The following NLGN1 variants were observed in gnomAD, a reference collection of about 807,000 sequenced individuals.
The protein encoded by NLGN1 is neuroligin 1, also known as neuroligin-1.
In NLGN1, 12 loss-of-function variants were observed where a neutral mutation model predicts 65.5. The observed-to-expected ratio is 0.18, with a 90% CI of 0.12 to 0.30. The LOEUF (loss-of-function observed/expected upper bound fraction) is 0.30. Ranked by LOEUF, NLGN1 falls within the 10% of genes least tolerant of loss-of-function variation. NLGN1 has a pLI of 1.00. For synonymous variants in NLGN1, 350 were observed against 359.5 expected (o/e 0.97, Z 0.30); for missense variants, 750 against 1,007.1 (o/e 0.74, Z 3.46).
At chr3:174,007,404 T>C (rs1448885214) in intron 4 of NLGN1, among the ~76,000 whole-genome samples, 1 of 152,224 alleles carries the variant, frequency 6.6e-6, no homozygotes, top group Non-Finnish European at 1.5e-5. Context: ...GTGCTTTCAA[T>C]CACACCTTTT....
intron 3 of NLGN1, among the ~76,000 whole-genome samples, chr3:173,644,871 TGGGCAGGTGTTGAGG>T (rs1484432821): frequency 6.6e-6 from 1 of 152,074 alleles, no homozygotes; most frequent in Non-Finnish European, 1.5e-5. Context: ...CCCTCCAAGG[TGGGCAGGTGTTGAGG>T]GGGCATGGTC....
chr3:173,649,776 T>G (rs1758850708), intron 3 of NLGN1, among the ~76,000 whole-genome samples: 1 of 152,132 alleles, frequency 6.6e-6, no homozygotes, highest in African/African-American at 2.4e-5. Context: ...AATTAAAGGT[T>G]TCTTGTAGTT....
At chr3:174,271,518 C>CTGTT (rs1553986722) in intron 4 of NLGN1, among the ~76,000 whole-genome samples, 1 of 151,712 alleles carries the variant, frequency 6.6e-6, no homozygotes, top group African/African-American at 2.4e-5. Context: ...CAGTAATTAT[C>CTGTT]TGTTTTTATT....
At chr3:173,403,990 A>C (rs1229111155) in intron 1 of NLGN1, among the ~76,000 whole-genome samples, 1 of 152,178 alleles carries the variant, frequency 6.6e-6, no homozygotes, top group Non-Finnish European at 1.5e-5. Context: ...ATGGTGCAAT[A>C]GGATTTCAGG....
intron 2 of NLGN1, among the ~76,000 whole-genome samples, chr3:173,513,833 C>T (rs1319016711): frequency 6.6e-6 from 1 of 151,990 alleles, no homozygotes; most frequent in African/African-American, 2.4e-5. Context: ...CACAACCAGC[C>T]TGGCCAACAT....
rs76095423 is a variant in NLGN1, at chr3:173,539,805, T to TAC, written c.-320-64472_-320-64471dup. 3.4e-3 allele frequency among the ~76,000 whole-genome samples: 437 copies of TAC among 127,058 alleles called. 1 individual carries two copies. Among genetic ancestry groups the TAC allele is most frequent in the African/African-American group, 0.012 (420 of 33,698 alleles). The allele number at this position is 127,058 out of a possible 152,430, so 83.4% of individuals were successfully genotyped here. On this transcript the variant is annotated intron_variant, in intron 2 of 6. Transcript: ENST00000457714. ...ATATATGTACATATATACATATATA[T>TAC]ACATATATACATATGTTATATATGT...
intron 4 of NLGN1, among the ~76,000 whole-genome samples, chr3:173,824,757 T>G (rs1423435133): frequency 6.6e-6 from 1 of 152,092 alleles, no homozygotes; most frequent in Non-Finnish European, 1.5e-5. Flanking sequence ...CACTTAACCA[T>G]TGTGAATATT....
chr3:174,164,098 G>GT (rs1422117411), intron 4 of NLGN1, among the ~76,000 whole-genome samples: 9 of 151,858 alleles, frequency 5.9e-5, no homozygotes. Flanking sequence ...AGCATCTGTT[G>GT]TTTTTTCTTT....
chr3:173,911,066 A>C (rs1381494944), intron 4 of NLGN1, among the ~76,000 whole-genome samples: 2 of 152,192 alleles, frequency 1.3e-5, no homozygotes, highest in African/African-American at 4.8e-5. Context: ...TAAGAGACTA[A>C]ATTTGTGAAA....
chr3:173,626,112 C>T (rs761535075), intron 3 of NLGN1, among the ~76,000 whole-genome samples: 1 of 151,966 alleles, frequency 6.6e-6, no homozygotes, highest in Non-Finnish European at 1.5e-5. Context: ...CTTCTCTGAC[C>T]AATACAGTAG....
intron 2 of NLGN1, among the ~76,000 whole-genome samples, chr3:173,524,227 C>T (rs573592724): frequency 1.8e-4 from 28 of 151,980 alleles, no homozygotes; most frequent in Admixed American, 6.6e-4. Context: ...TGCCCGGCCT[C>T]ATATAATTTC....
At chr3:173,585,637 C>T (rs2149379349) in intron 2 of NLGN1, among the ~76,000 whole-genome samples, 1 of 152,282 alleles carries the variant, frequency 6.6e-6, no homozygotes, top group Non-Finnish European at 1.5e-5. Flanking sequence ...TAATACAAGT[C>T]CGAGGTAACT....
At chr3:173,827,973 CA>C (rs1290894086) in intron 4 of NLGN1, among the ~76,000 whole-genome samples, 1 of 152,002 alleles carries the variant, frequency 6.6e-6, no homozygotes, top group African/African-American at 2.4e-5. Flanking sequence ...TCATCTCTTC[CA>C]AAAACACCCT....
rs908062451 is a variant in NLGN1, at chr3:174,184,326, T to C, written c.647-90989T>C. 2.7e-5 allele frequency among the ~76,000 whole-genome samples: 4 copies of C among 148,010 alleles called. 1 individual carries two copies. Among genetic ancestry groups the C allele is most frequent in the Non-Finnish European group, 5.9e-5 (4 of 67,280 alleles). ...GTGTCAAAAAACACTCAGCCAAATA[T>C]TAATGTAAATAGAAATATCAATAAA... On this transcript the variant is annotated intron_variant, in intron 4 of 6. Transcript: ENST00000457714.
chr3:173,477,620 A>T (rs1279744560), intron 2 of NLGN1, among the ~76,000 whole-genome samples: 2 of 152,118 alleles, frequency 1.3e-5, no homozygotes, highest in African/African-American at 4.8e-5. Context: ...GTAGAAAGGG[A>T]CCTCCTGAAG....
At chr3:173,493,640 CTT>C (rs1729535365) in intron 2 of NLGN1, among the ~76,000 whole-genome samples, 1 of 151,726 alleles carries the variant, frequency 6.6e-6, no homozygotes, top group Non-Finnish European at 1.5e-5. Flanking sequence ...ACTGTCATAA[CTT>C]ATATATTACA....
chr3:173,736,846 T>C (rs932291592), intron 3 of NLGN1, among the ~76,000 whole-genome samples: 2 of 152,084 alleles, frequency 1.3e-5, no homozygotes, highest in African/African-American at 2.4e-5. Context: ...AATTGATCAT[T>C]ATTGATAAAT....
At chr3:174,056,368 A>AT (rs907899616) in intron 4 of NLGN1, among the ~76,000 whole-genome samples, 1 of 151,824 alleles carries the variant, frequency 6.6e-6, no homozygotes, top group Non-Finnish European at 1.5e-5. Flanking sequence ...TTTAAATAAT[A>AT]TTTTTTCTAC....
chr3:173,656,449 C>G (rs939171882), intron 3 of NLGN1, among the ~76,000 whole-genome samples: 4 of 152,090 alleles, frequency 2.6e-5, no homozygotes, highest in Non-Finnish European at 4.4e-5. Context: ...TCTCTCATAT[C>G]CCACCCACTT....
Sources: allele counts gnomAD v4.1 joint callset (sites outside exome capture counted in the v4.1 genomes callset), GRCh38; gene constraint gnomAD v4.1.1; transcripts MANE v1.5; gene names NCBI Gene and HGNC (gene_info 2026-07-23, HGNC 2026-07-21).